The following CUL3 variants were observed in gnomAD, a reference collection of about 807,000 sequenced individuals.
CUL3 encodes cullin 3, also known as cullin-3.
Under a neutral mutation model 89.1 loss-of-function variants are expected in CUL3, and 19 were observed. That is an observed-to-expected ratio of 0.21 (90% CI 0.15 to 0.31). The LOEUF (loss-of-function observed/expected upper bound fraction) is 0.31, where lower values mean the gene tolerates loss of function less well. Ranked by LOEUF, CUL3 falls within the 10% of genes least tolerant of loss-of-function variation. CUL3 has a pLI of 1.00. For synonymous variants in CUL3, 351 were observed against 308.4 expected (o/e 1.14, Z -1.45); for missense variants, 469 against 942.3 (o/e 0.50, Z 6.58).
intron 1 of CUL3, among the ~76,000 whole-genome samples, chr2:224,573,915 T>G (rs1391395411): frequency 6.6e-6 from 1 of 152,162 alleles, no homozygotes; most frequent in Admixed American, 6.5e-5. Context: ...ATTCAACAAG[T>G]TGTCACTAAT....
At chr2:224,549,631 T>C (rs1305469113) in intron 2 of CUL3, among the ~76,000 whole-genome samples, 3 of 152,162 alleles carry the variant, frequency 2.0e-5, no homozygotes, top group Non-Finnish European at 4.4e-5. Context: ...GGTTATTTCT[T>C]ACTATTAAAG....
chr2:224,514,364 A>G (rs879703544), intron 4 of CUL3, among the ~76,000 whole-genome samples: 1 of 152,144 alleles, frequency 6.6e-6, no homozygotes, highest in Non-Finnish European at 1.5e-5. Context: ...ATGAAAAGCC[A>G]AAAGTGACGG....
chr2:224,579,036 T>C (rs979438877), intron 1 of CUL3, among the ~76,000 whole-genome samples: 8 of 152,236 alleles, frequency 5.3e-5, no homozygotes, highest in African/African-American at 1.7e-4. Context: ...TTTTACATTA[T>C]ATTTCATATT....
At chr2:224,534,735 C>T (rs909021834) in intron 3 of CUL3, among the ~76,000 whole-genome samples, 9 of 152,062 alleles carry the variant, frequency 5.9e-5, no homozygotes, top group African/African-American at 1.9e-4. Flanking sequence ...GTAATCCCAG[C>T]ACTTTGGGAG....
chr2:224,495,735 A>G (rs892630370), intron 13 of CUL3, 97 bp downstream of exon 13: 152 of 1,014,198 alleles, frequency 1.5e-4, no homozygotes, highest in Middle Eastern at 4.4e-4. Flanking sequence ...AAAGTACCCA[A>G]AGAGACTCTC....
chr2:224,574,456 A>G (rs1158703799), intron 1 of CUL3, among the ~76,000 whole-genome samples: 2 of 152,224 alleles, frequency 1.3e-5, no homozygotes, highest in Non-Finnish European at 2.9e-5. Context: ...CCTTTAAAAA[A>G]GATTCATTAA....
At chr2:224,549,297 G>A (rs968806452) in intron 2 of CUL3, among the ~76,000 whole-genome samples, 12 of 149,928 alleles carry the variant, frequency 8.0e-5, no homozygotes, top group Admixed American at 2.0e-4. Context: ...CAGCCTGGGC[G>A]ACAGCAAGAC....
At chr2:224,553,549 T>A (rs1694595755) in intron 2 of CUL3, among the ~76,000 whole-genome samples, 1 of 152,228 alleles carries the variant, frequency 6.6e-6, no homozygotes, top group South Asian at 2.1e-4. Flanking sequence ...TGTTATGGAC[T>A]GAATGTTTGT....
intron 1 of CUL3, among the ~76,000 whole-genome samples, chr2:224,570,145 TA>T (rs906888041): frequency 3.2e-4 from 48 of 150,944 alleles, no homozygotes; most frequent in African/African-American, 9.2e-4. Context: ...TAGATAATAT[TA>T]AAAAAAAATG....
intron 1 of CUL3, among the ~76,000 whole-genome samples, chr2:224,564,909 T>C (rs1470004368): frequency 1.3e-5 from 2 of 152,224 alleles, no homozygotes; most frequent in African/African-American, 4.8e-5. Flanking sequence ...ACTACCTAAT[T>C]ATACAAGCTA....
intron 13 of CUL3, among the ~76,000 whole-genome samples, chr2:224,492,612 T>C (rs1316375248): frequency 6.6e-6 from 1 of 152,114 alleles, no homozygotes; most frequent in Non-Finnish European, 1.5e-5. Context: ...CTGTTCTAAA[T>C]CACAATAAAC....
At chr2:224,498,730 G>A (rs1447078478) in intron 11 of CUL3, among the ~76,000 whole-genome samples, 1 of 152,326 alleles carries the variant, frequency 6.6e-6, no homozygotes, top group East Asian at 1.9e-4. Flanking sequence ...AAGCAGGACT[G>A]TCTACAGGAT....
chr2:224,553,204 T>C (rs2106296300), intron 2 of CUL3, among the ~76,000 whole-genome samples: 1 of 152,334 alleles, frequency 6.6e-6, no homozygotes, highest in East Asian at 1.9e-4. Flanking sequence ...ATTATTAAAA[T>C]TGTTTTATAA....
chr2:224,575,733 C>CT (rs1481381587), intron 1 of CUL3, among the ~76,000 whole-genome samples: 2 of 152,102 alleles, frequency 1.3e-5, no homozygotes, highest in African/African-American at 4.8e-5. Flanking sequence ...AGACAAGACA[C>CT]TAAGTGATTT....
intron 10 of CUL3, among the ~76,000 whole-genome samples, chr2:224,501,652 A>G (rs2106191784): frequency 6.6e-6 from 1 of 152,336 alleles, no homozygotes; most frequent in South Asian, 2.1e-4. Flanking sequence ...ACTTTAAGGA[A>G]ACTGAAAATA....
chr2:224,493,351 A>G (rs183564914), intron 13 of CUL3, among the ~76,000 whole-genome samples: 1 of 152,342 alleles, frequency 6.6e-6, no homozygotes, highest in East Asian at 1.9e-4. Context: ...AGGCTAGCTA[A>G]TAAAACATTA....
chr2:224,530,398 T>C (rs1160019604), intron 3 of CUL3, among the ~76,000 whole-genome samples: 2 of 151,974 alleles, frequency 1.3e-5, no homozygotes, highest in African/African-American at 2.4e-5. Flanking sequence ...ACCTGCATAG[T>C]TGGTAATATA....
At chr2:224,543,239 T>C (rs1694181264) in intron 2 of CUL3, among the ~76,000 whole-genome samples, 1 of 152,150 alleles carries the variant, frequency 6.6e-6, no homozygotes, top group African/African-American at 2.4e-5. Context: ...TAAACAAGTC[T>C]CCAAATTCAG....
intron 13 of CUL3, among the ~76,000 whole-genome samples, chr2:224,483,470 T>C (rs1691603661): frequency 6.6e-6 from 1 of 152,234 alleles, no homozygotes; most frequent in Admixed American, 6.5e-5. Flanking sequence ...GACATCTTTC[T>C]ATTAGAGTTA....
Sources: allele counts gnomAD v4.1 joint callset (sites outside exome capture counted in the v4.1 genomes callset), GRCh38; gene constraint gnomAD v4.1.1; transcripts MANE v1.5; gene names NCBI Gene and HGNC (gene_info 2026-07-23, HGNC 2026-07-21).